CPHXL2: variants seen among roughly 807,000 people sequenced by gnomAD.
The protein encoded by CPHXL2 is cytoplasmic polyadenylated homeobox-like protein 2.
chr16:75,668,436 T>C, the CPHXL2 span, among the ~76,000 whole-genome samples: 2 of 152,088 alleles, frequency 1.3e-5, no homozygotes, highest in Admixed American at 6.5e-5. Context: ...ACCATGTTGG[T>C]CAGGCTGGTC....
At chr16:75,660,910 C>G in the CPHXL2 span, 6 of 398,540 alleles carry the variant, frequency 1.5e-5, no homozygotes, top group Non-Finnish European at 1.8e-5. Context: ...CACTGGGAAC[C>G]CACCTGTTGA....
At chr16:75,670,393 T>C in the CPHXL2 span, among the ~76,000 whole-genome samples, 1 of 152,140 alleles carries the variant, frequency 6.6e-6, no homozygotes, top group Non-Finnish European at 1.5e-5. Context: ...CTAAGTTCTC[T>C]CTATCTGAGT....
At chr16:75,666,697 A>C in the CPHXL2 span, among the ~76,000 whole-genome samples, 1 of 152,094 alleles carries the variant, frequency 6.6e-6, no homozygotes, top group African/African-American at 2.4e-5. Context: ...AACAAAAAAC[A>C]ATGGATTTAA....
At chr16:75,662,082 G>T in the CPHXL2 span, among the ~76,000 whole-genome samples, 1 of 152,162 alleles carries the variant, frequency 6.6e-6, no homozygotes, top group African/African-American at 2.4e-5. Flanking sequence ...TGACTGACTG[G>T]CTTTGGGTTG....
chr16:75,668,057 A>C, the CPHXL2 span, among the ~76,000 whole-genome samples: 1 of 152,128 alleles, frequency 6.6e-6, no homozygotes, highest in Admixed American at 6.6e-5. Context: ...CACTAACTAC[A>C]GCAGCATCAA....
the CPHXL2 span, among the ~76,000 whole-genome samples, chr16:75,674,249 T>C: frequency 2.6e-5 from 4 of 151,072 alleles, no homozygotes; most frequent in African/African-American, 9.7e-5. Context: ...GGCAGGCACC[T>C]GTAGTCCCAG....
chr16:75,671,801 A>C, the CPHXL2 span, among the ~76,000 whole-genome samples: 1 of 152,254 alleles, frequency 6.6e-6, no homozygotes. Flanking sequence ...CAAGGAAGAC[A>C]CTACGAATGG....
chr16:75,668,123 C>T, the CPHXL2 span, among the ~76,000 whole-genome samples: 3 of 152,064 alleles, frequency 2.0e-5, no homozygotes, highest in Non-Finnish European at 2.9e-5. Context: ...CAATACATAC[C>T]CACTGTATTT....
the CPHXL2 span, among the ~76,000 whole-genome samples, chr16:75,670,628 C>A: frequency 1.3e-3 from 197 of 152,222 alleles, 1 homozygote; most frequent in African/African-American, 4.6e-3. Flanking sequence ...TGCGCCTCAG[C>A]CTCCTGAGTA....
At chr16:75,662,394 G>T in the CPHXL2 span, among the ~76,000 whole-genome samples, 16,024 of 139,300 alleles carry the variant, frequency 0.12, 1,726 homozygotes, top group African/African-American at 0.3. Flanking sequence ...TTAAACCATC[G>T]ACTGCTGGTG....
At chr16:75,669,636 G>A in the CPHXL2 span, 1 of 397,574 alleles carries the variant, frequency 2.5e-6, no homozygotes, top group East Asian at 3.6e-5. Context: ...TAGCACCATT[G>A]ATTCCCTCCC....
chr16:75,668,654 C>G, the CPHXL2 span, among the ~76,000 whole-genome samples: 1 of 152,164 alleles, frequency 6.6e-6, no homozygotes, highest in African/African-American at 2.4e-5. Context: ...GGCATGTCCT[C>G]TCATGTCCTT....
chr16:75,670,617 T>C, the CPHXL2 span, among the ~76,000 whole-genome samples: 1 of 152,158 alleles, frequency 6.6e-6, no homozygotes, highest in African/African-American at 2.4e-5. Flanking sequence ...CAAGCGATTC[T>C]TGCGCCTCAG....
chr16:75,662,302 C>A, the CPHXL2 span, among the ~76,000 whole-genome samples: 3 of 151,624 alleles, frequency 2.0e-5, no homozygotes, highest in African/African-American at 4.9e-5. Context: ...GCTCCCCAAA[C>A]CCACTTTTTT....
the CPHXL2 span, chr16:75,661,398 T>C: frequency 2.5e-6 from 1 of 396,098 alleles, no homozygotes; most frequent in Non-Finnish European, 4.4e-6. Flanking sequence ...TTATAAAAAA[T>C]AAGACAATCT....
chr16:75,668,716 G>A, the CPHXL2 span, among the ~76,000 whole-genome samples: 22 of 152,196 alleles, frequency 1.4e-4, no homozygotes, highest in Non-Finnish European at 2.1e-4. Flanking sequence ...TAACACAAAT[G>A]CTACATAAGT....
the CPHXL2 span, among the ~76,000 whole-genome samples, chr16:75,664,160 T>A: frequency 6.6e-6 from 1 of 152,226 alleles, no homozygotes; most frequent in Non-Finnish European, 1.5e-5. Flanking sequence ...ACATCTTACA[T>A]GTATCGACTG....
At chr16:75,676,127 C>T in the CPHXL2 span, among the ~76,000 whole-genome samples, 10 of 152,004 alleles carry the variant, frequency 6.6e-5, no homozygotes, top group South Asian at 2.1e-4. Flanking sequence ...TTACGTTACA[C>T]GTGACCTTCT....
At chr16:75,671,362 A>C in the CPHXL2 span, among the ~76,000 whole-genome samples, 1 of 23,550 alleles carries the variant, frequency 4.2e-5, no homozygotes, top group African/African-American at 2.7e-4. Context: ...ACTCTGTATC[A>C]AAAAAAAAAA....
Sources: gnomAD v4.1 joint callset for allele counts (sites outside exome capture counted in the v4.1 genomes callset) on GRCh38, gnomAD v4.1.1 for gene constraint, MANE v1.5 for transcripts, NCBI Gene and HGNC (gene_info 2026-07-23, HGNC 2026-07-21) for gene names.